SND1: variants seen among roughly 807,000 people sequenced by gnomAD.
The protein encoded by SND1 is staphylococcal nuclease domain-containing protein 1.
A neutral mutation model predicts 121.7 loss-of-function variants in SND1; 38 were observed. The observed-to-expected ratio is 0.31, with a 90% CI of 0.24 to 0.41. The LOEUF is 0.41. Among genes scored for constraint, SND1 ranks in the 10% least tolerant of loss-of-function variants. The pLI is 1.00. For synonymous variants in SND1, 401 were observed against 447.4 expected (o/e 0.90, Z 1.31); for missense variants, 868 against 1,184.6 (o/e 0.73, Z 3.92).
At chr7:127,852,490 T>TAAA (rs779324036) in intron 12 of SND1, among the ~76,000 whole-genome samples, 136 of 83,928 alleles carry the variant, frequency 1.6e-3, no homozygotes, top group African/African-American at 5.4e-3. Context: ...AGACTCCCTC[T>TAAA]AAAAAAAAAA....
intron 5 of SND1, among the ~76,000 whole-genome samples, chr7:127,701,635 T>G (rs552501809): frequency 6.6e-6 from 1 of 152,218 alleles, no homozygotes; most frequent in South Asian, 2.1e-4. Flanking sequence ...CCCTAAAACT[T>G]AAAGGTAGCA....
At chr7:128,007,927 G>A (rs1334443120) in intron 16 of SND1, 1 of 152,202 alleles carries the variant, frequency 6.6e-6, no homozygotes, top group Non-Finnish European at 1.5e-5. Context: ...TGAGAAAACT[G>A]AGGCATGAAG....
chr7:128,059,178 C>T (rs1262088867), intron 16 of SND1, among the ~76,000 whole-genome samples: 1 of 152,196 alleles, frequency 6.6e-6, no homozygotes, highest in Admixed American at 6.5e-5. Flanking sequence ...GAAGTCCCAT[C>T]CTTTAAGGTC....
intron 1 of SND1, among the ~76,000 whole-genome samples, chr7:127,658,930 G>A (rs1795259465): frequency 1.3e-5 from 2 of 152,230 alleles, no homozygotes; most frequent in Non-Finnish European, 2.9e-5. Context: ...GCATAGGCTA[G>A]CTATCCATCT....
chr7:128,032,211 C>CG (rs1281697720), intron 16 of SND1: 2 of 151,564 alleles, frequency 1.3e-5, no homozygotes, highest in Non-Finnish European at 2.9e-5. Flanking sequence ...TTAACGCCGG[C>CG]GCCTTCCAGC....
chr7:127,829,122 A>T (rs1798694660), intron 11 of SND1, among the ~76,000 whole-genome samples: 1 of 152,180 alleles, frequency 6.6e-6, no homozygotes, highest in Non-Finnish European at 1.5e-5. Context: ...TAAAACCCGA[A>T]TTACAGTCTG....
At chr7:127,884,518 G>A (rs2116724656) in intron 12 of SND1, among the ~76,000 whole-genome samples, 1 of 152,206 alleles carries the variant, frequency 6.6e-6, no homozygotes, top group Non-Finnish European at 1.5e-5. Context: ...TATTGCTGAG[G>A]GACATAGGGT....
chr7:128,029,347 T>G lies in SND1; in HGVS notation c.1779+38291T>G, dbSNP rs184416499. ...TTGAGGTAGGCCGAGGCGTTGGAGT[T>G]GCCTGCAACATTGGTCACCATGCAT... is the stretch of plus-strand genomic sequence containing the variant. On this transcript the variant is annotated intron_variant, in intron 16 of 23. Coordinates refer to ENST00000354725, the MANE Select transcript of SND1 (RefSeq NM_014390.4). This position sits in a 1 kb window ranked among gnomAD's most constrained non-coding sequence, Gnocchi z 4.2. 3.5e-4 allele frequency: 559 copies of G among 1,614,144 alleles called. 8 individuals carry two copies. The Admixed American group carries it at 9.0e-3, about 26-fold the overall frequency.
intron 10 of SND1, among the ~76,000 whole-genome samples, chr7:127,725,378 TG>T (rs1796564749): frequency 6.6e-6 from 1 of 152,196 alleles, no homozygotes; most frequent in African/African-American, 2.4e-5. Flanking sequence ...GGCCATGGCT[TG>T]GCAAGCAGAA....
At chr7:127,889,395 A>C (rs1234000514) in intron 13 of SND1, among the ~76,000 whole-genome samples, 1 of 151,814 alleles carries the variant, frequency 6.6e-6, no homozygotes, top group Non-Finnish European at 1.5e-5. Context: ...GTGAGTATAT[A>C]ACAGATGTAT....
intron 10 of SND1, among the ~76,000 whole-genome samples, chr7:127,770,158 CTT>C (rs1201331265): frequency 6.6e-6 from 1 of 152,154 alleles, no homozygotes; most frequent in Non-Finnish European, 1.5e-5. Flanking sequence ...GCACTCATTG[CTT>C]AGATATTTCC....
At chr7:127,886,461 C>A (rs542826216) in intron 12 of SND1, among the ~76,000 whole-genome samples, 1 of 152,130 alleles carries the variant, frequency 6.6e-6, no homozygotes, top group South Asian at 2.1e-4. Flanking sequence ...CATTTTCAAA[C>A]AATACTCAGT....
At chr7:127,931,962 A>G (rs1432053685) in intron 15 of SND1, among the ~76,000 whole-genome samples, 1 of 152,242 alleles carries the variant, frequency 6.6e-6, no homozygotes, top group Admixed American at 6.5e-5. Context: ...TGGTCACCCA[A>G]GAGCTCTGAA....
At position 127,923,531 on chromosome 7, in the gene SND1, C is replaced by T. The variant is rs577731575; in HGVS notation, c.1528-5657C>T. Among the ~76,000 whole-genome samples the T allele has an allele frequency of 4.6e-5, 7 of 152,256 alleles. No homozygotes were observed. In the East Asian group the frequency reaches 7.7e-4, roughly 17 times the overall value. On this transcript the variant is annotated intron_variant, in intron 14 of 23. Coordinates refer to ENST00000354725, the MANE Select transcript of SND1 (RefSeq NM_014390.4). ...TCGAGGGCATTCTCAGAGTATCCTCCCCCCGCAGGGTTCCATGTATTTCAA... is the reference window on the plus strand; with the variant it reads ...TCGAGGGCATTCTCAGAGTATCCTCTCCCCGCAGGGTTCCATGTATTTCAA...
intron 16 of SND1, among the ~76,000 whole-genome samples, chr7:128,070,952 G>A (rs987306633): frequency 6.6e-6 from 1 of 152,122 alleles, no homozygotes; most frequent in African/African-American, 2.4e-5. Flanking sequence ...GGTGGAACAG[G>A]GTAGAACAAG....
rs184225651 is a variant in SND1, at chr7:127,955,484, C to A, written c.1669+26155C>A. Among the ~76,000 whole-genome samples, 258 of 152,234 alleles carry A rather than the reference C, an allele frequency of 1.7e-3. 1 individual carries two copies. The highest frequency in any genetic ancestry group is 5.8e-3 in the African/African-American group (242 of 41,540). On this transcript the variant is annotated intron_variant, in intron 15 of 23. Coordinates refer to ENST00000354725, the MANE Select transcript of SND1 (RefSeq NM_014390.4). ...TGTCAGGGTGGGAAGCTACTTCTCTCCCCCTAGCCAGTGGAGTTGTGGGGG... is the reference window on the plus strand; with the variant it reads ...TGTCAGGGTGGGAAGCTACTTCTCTACCCCTAGCCAGTGGAGTTGTGGGGG...
At chr7:127,736,025 C>T (rs1796770792) in intron 10 of SND1, among the ~76,000 whole-genome samples, 1 of 152,220 alleles carries the variant, frequency 6.6e-6, no homozygotes, top group Non-Finnish European at 1.5e-5. Flanking sequence ...TGTGCAGAGA[C>T]TGAATTCTCC....
At chr7:127,938,718 C>T (rs528680365) in intron 15 of SND1, among the ~76,000 whole-genome samples, 1 of 152,206 alleles carries the variant, frequency 6.6e-6, no homozygotes, top group South Asian at 2.1e-4. Flanking sequence ...TGCTATTGAG[C>T]CTTCACTGCT....
intron 1 of SND1, among the ~76,000 whole-genome samples, chr7:127,680,321 G>A (rs1415636114): frequency 6.6e-6 from 1 of 152,148 alleles, no homozygotes; most frequent in Non-Finnish European, 1.5e-5. Flanking sequence ...GATAACATAT[G>A]GAGACAGGGT....
Sources: allele counts gnomAD v4.1 joint callset (sites outside exome capture counted in the v4.1 genomes callset), GRCh38; gene constraint gnomAD v4.1.1; non-coding constraint Gnocchi (gnomAD v3.1); transcripts MANE v1.5; gene names NCBI Gene and HGNC (gene_info 2026-07-23, HGNC 2026-07-21).